The following PCDH11X variants were observed in gnomAD, a reference collection of about 807,000 sequenced individuals.
PCDH11X encodes the protein protocadherin-11 X-linked.
PCDH11X carries 18 observed loss-of-function variants against 53.3 expected under a neutral mutation model. That is an observed-to-expected ratio of 0.34 (90% CI 0.23 to 0.50). The LOEUF (loss-of-function observed/expected upper bound fraction) is 0.50, where lower values mean the gene tolerates loss of function less well. Among genes scored for constraint, PCDH11X ranks in the 20% least tolerant of loss-of-function variants. The pLI, the probability that PCDH11X is intolerant of heterozygous loss-of-function variation, is 0.98. For missense variants in PCDH11X, 570 were observed against 1,032.4 expected (o/e 0.55, Z 6.14); for synonymous variants, 279 against 393.3 (o/e 0.71, Z 3.44).
chrX:92,443,481 T>C (rs2072561074), intron 9 of PCDH11X, among the ~76,000 whole-genome samples: 1 of 111,742 alleles, frequency 8.9e-6, no homozygotes. Context: ...GTTTTTGTTT[T>C]TCCTCTGCTG....
chrX:92,591,991 C>T (rs1275458073), intron 10 of PCDH11X, among the ~76,000 whole-genome samples: 1 of 100,475 alleles, frequency 1.0e-5, no homozygotes, highest in African/African-American at 3.7e-5. Flanking sequence ...TGAATTGAGT[C>T]GCTATTGGAA....
rs1489969293 is a variant in PCDH11X, at chrX:92,163,962, A to G, written c.3034-37413A>G. Among the ~76,000 whole-genome samples, 3 of 111,669 alleles carry G rather than the reference A, an allele frequency of 2.7e-5. No individual in the cohort carries two copies. The Admixed American group carries it at 2.8e-4, about 11-fold the overall frequency. The stretch of plus-strand genomic sequence containing the variant: ...TACAGTTAAAAAAATGAAATAATCT[A>G]AAGAGACTGTACTTTGCAAACATAA... On this transcript the variant is annotated intron_variant, in intron 6 of 10. Transcript: ENST00000682573.
Position 92,433,562 on chromosome X carries a change from T to C in PCDH11X, c.3344-34737T>C, listed in dbSNP as rs1490970618. Among the ~76,000 whole-genome samples the C allele has an allele frequency of 2.7e-5, 3 of 109,441 alleles. No individual in the cohort carries two copies. The East Asian group carries it at 8.7e-4, about 32-fold the overall frequency. On this transcript the variant is annotated intron_variant, in intron 9 of 10. Transcript: ENST00000682573. The stretch of plus-strand genomic sequence containing the variant: ...GAGAACATCTGTGTGAAGAGTAAAG[T>C]TGACATGGTGTTGCCAAAATGTCAG...
At chrX:92,406,096 C>G (rs1263397461) in intron 9 of PCDH11X, among the ~76,000 whole-genome samples, 1 of 15,799 alleles carries the variant, frequency 6.3e-5, no homozygotes, top group Non-Finnish European at 1.1e-4. Flanking sequence ...GAGACTCTGT[C>G]TCAAAAAAAA....
At chrX:92,509,478 C>G (rs769450876) in intron 10 of PCDH11X, among the ~76,000 whole-genome samples, 1 of 111,292 alleles carries the variant, frequency 9.0e-6, no homozygotes, top group East Asian at 2.8e-4. Context: ...TTTTCTGAGA[C>G]ATGTTCTTAT....
At chrX:92,393,780 T>G (rs2071183487) in intron 9 of PCDH11X, among the ~76,000 whole-genome samples, 2 of 110,588 alleles carry the variant, frequency 1.8e-5, no homozygotes, top group African/African-American at 3.3e-5. Context: ...ACCCAAGAGT[T>G]CAGCCATCTG....
chrX:91,901,632 A>G (rs1253996839), intron 6 of PCDH11X, among the ~76,000 whole-genome samples: 1 of 111,422 alleles, frequency 9.0e-6, no homozygotes, highest in Non-Finnish European at 1.9e-5. Flanking sequence ...TGATTTTAAT[A>G]TTAGACATTT....
chrX:92,067,616 C>CT (rs2148073431), intron 6 of PCDH11X, among the ~76,000 whole-genome samples: 1 of 111,052 alleles, frequency 9.0e-6, no homozygotes, highest in Non-Finnish European at 1.9e-5. Context: ...CTGTAGTTTC[C>CT]TTTTTTTGAT....
chrX:92,165,116 T>C (rs1038443033), intron 6 of PCDH11X, among the ~76,000 whole-genome samples: 4 of 109,635 alleles, frequency 3.6e-5, no homozygotes, highest in Non-Finnish European at 7.6e-5. Flanking sequence ...TTCATGATGG[T>C]ATTATAGGAT....
intron 6 of PCDH11X, among the ~76,000 whole-genome samples, chrX:92,004,166 T>A (rs1202488354): frequency 1.8e-5 from 2 of 112,078 alleles, no homozygotes; most frequent in African/African-American, 6.5e-5. Context: ...AGCATATTGT[T>A]TAATTTCCAT....
intron 8 of PCDH11X, among the ~76,000 whole-genome samples, chrX:92,268,409 A>G (rs2148422870): frequency 9.0e-6 from 1 of 110,736 alleles, no homozygotes; most frequent in Non-Finnish European, 1.9e-5. Context: ...CTCCTGTCTC[A>G]GCCTCCCGAG....
intron 6 of PCDH11X, among the ~76,000 whole-genome samples, chrX:92,122,865 A>G (rs1036039003): frequency 9.0e-6 from 1 of 111,078 alleles, no homozygotes; most frequent in African/African-American, 3.3e-5. Flanking sequence ...TGAACCTGGG[A>G]GGTGGAGGTT....
chrX:92,151,737 A>G (rs1302821106), intron 6 of PCDH11X, among the ~76,000 whole-genome samples: 1 of 111,376 alleles, frequency 9.0e-6, no homozygotes, highest in Non-Finnish European at 1.9e-5. Context: ...TGTAGATATG[A>G]CCAAATACAT....
rs13447438 is a variant in PCDH11X, at chrX:91,835,258, T to A, written c.-44-203T>A. ...GTCATTTTTGATACTGTAGGTATCT[T>A]ATTTCATTTATCTTTATTCTTAATG... On this transcript the variant is annotated intron_variant, in intron 4 of 10. Coordinates refer to ENST00000682573, the MANE Select transcript of PCDH11X (RefSeq NM_032968.5). 0.023 allele frequency: 23,540 copies of A among 1,006,387 alleles called. 3,282 individuals are homozygous for A. The African/African-American group carries it at 0.4, about 17-fold the overall frequency. The allele number at this position is 1,006,387 out of a possible 1,213,427, so 82.9% of individuals were successfully genotyped here.
rs773552761 is a variant in PCDH11X at position 92,287,105 on chromosome X, G to T, written c.3144+23962G>T. ...GGTGCCAAACTAGTGGTTTGTTGTT[G>T]GAATTGACTGTCAGTAAAAAACAGA... On this transcript the variant is annotated intron_variant, in intron 8 of 10. Coordinates refer to ENST00000682573, the MANE Select transcript of PCDH11X (RefSeq NM_032968.5). Among the ~76,000 whole-genome samples the T allele has an allele frequency of 2.4e-3, 268 of 111,390 alleles. 3 individuals carry two copies. Among genetic ancestry groups the T allele is most frequent in the African/African-American group, 8.4e-3 (258 of 30,721 alleles).
chrX:92,518,111 A>G (rs1187781157), intron 10 of PCDH11X, among the ~76,000 whole-genome samples: 4 of 109,232 alleles, frequency 3.7e-5, no homozygotes, highest in Non-Finnish European at 5.7e-5. Context: ...AAACTATCAC[A>G]TAATTTTAAA....
In PCDH11X at chrX:92,270,406, G is replaced by A. The variant is rs2067930643; in HGVS notation, c.3144+7263G>A. 5.4e-5 allele frequency among the ~76,000 whole-genome samples: 6 copies of A among 111,987 alleles called. No homozygotes were observed. In the South Asian group the frequency reaches 2.2e-3, roughly 41 times the overall value. On this transcript the variant is annotated intron_variant, in intron 8 of 10. Transcript: ENST00000682573. ...CCCAAAGTGCTGGGATTACAGGCGT[G>A]AGCCAACTGTGTCCAGCCAAACCAC...
chrX:92,038,751 G>A (rs894417216), intron 6 of PCDH11X, among the ~76,000 whole-genome samples: 23 of 107,114 alleles, frequency 2.1e-4, no homozygotes, highest in African/African-American at 7.2e-4. Context: ...GGAGGTGATT[G>A]AAATGGGGAC....
intron 6 of PCDH11X, among the ~76,000 whole-genome samples, chrX:91,944,969 T>C (rs1186902991): frequency 1.0e-5 from 1 of 97,110 alleles, no homozygotes; most frequent in Non-Finnish European, 2.1e-5. Context: ...ATCCCTCTTA[T>C]CTGTAAGTCT....
Sources: gnomAD v4.1 joint callset for allele counts (sites outside exome capture counted in the v4.1 genomes callset) on GRCh38, gnomAD v4.1.1 for gene constraint, MANE v1.5 for transcripts, NCBI Gene and HGNC (gene_info 2026-07-23, HGNC 2026-07-21) for gene names.